SLC5A11: variants seen among roughly 807,000 people sequenced by gnomAD.
SLC5A11 encodes solute carrier family 5 member 11.
A neutral mutation model predicts 69.8 loss-of-function variants in SLC5A11; 48 were observed. That is an observed-to-expected ratio of 0.69 (90% CI 0.55 to 0.87). SLC5A11 has a LOEUF of 0.87. Among genes scored for constraint, SLC5A11 ranks in the 40% least tolerant of loss-of-function variants. SLC5A11 has a pLI of 0.00. For synonymous variants in SLC5A11, 319 were observed against 342.4 expected, an observed-to-expected ratio of 0.93 and a Z score of 0.75; for missense variants, 784 against 866.1, an observed-to-expected ratio of 0.91 and a Z score of 1.19.
intron 8 of SLC5A11, among the ~76,000 whole-genome samples, chr16:24,885,290 C>G (rs34821896): frequency 0.38 from 57,081 of 151,348 alleles, 11,880 homozygotes; most frequent in Non-Finnish European, 0.48. Flanking sequence ...TATTGTTAAG[C>G]GGGGGACACT....
intron 6 of SLC5A11, chr16:24,877,010 A>C: frequency 8.2e-7 from 1 of 1,213,746 alleles, no homozygotes; most frequent in Non-Finnish European, 1.1e-6. Flanking sequence ...TGGAAGATGG[A>C]GTGGGAGAGG....
chr16:24,853,461 A>G (rs1567563050), intron 1 of SLC5A11, among the ~76,000 whole-genome samples: 1 of 152,190 alleles, frequency 6.6e-6, no homozygotes, highest in Non-Finnish European at 1.5e-5. Flanking sequence ...GGAGCCTGGC[A>G]CACAGCTGGT....
exon 13 of SLC5A11, chr16:24,908,002 G>C: frequency 6.2e-7 from 1 of 1,614,044 alleles, no homozygotes; most frequent in Non-Finnish European, 8.5e-7. Flanking sequence ...CCATCCTCTG[G>C]ATCCCTGTGG....
chr16:24,875,767 G>T, intron 6 of SLC5A11, 36 bp downstream of exon 7: 1 of 1,528,764 alleles, frequency 6.5e-7, no homozygotes, highest in Non-Finnish European at 9.0e-7. Flanking sequence ...CACCCATGCA[G>T]CATGGGGAGA....
chr16:24,894,312 T>A (rs2049005205), intron 9 of SLC5A11, among the ~76,000 whole-genome samples: 1 of 152,062 alleles, frequency 6.6e-6, no homozygotes, highest in South Asian at 2.1e-4. Flanking sequence ...CTCTCCCTCC[T>A]CCTTTCCCAC....
intron 8 of SLC5A11, among the ~76,000 whole-genome samples, chr16:24,888,812 T>C (rs1436703222): frequency 3.2e-4 from 41 of 129,722 alleles, no homozygotes; most frequent in East Asian, 1.1e-3. Flanking sequence ...TTTTTTTTTT[T>C]CTGAGACGGA....
intron 7 of SLC5A11, among the ~76,000 whole-genome samples, chr16:24,882,774 T>C (rs190504931): frequency 1.4e-3 from 207 of 152,232 alleles, no homozygotes; most frequent in Non-Finnish European, 2.0e-3. Flanking sequence ...GCCTCCCGAG[T>C]AGCTGGGATT....
Position 24,890,857 on chromosome 16 carries a change from T to C in SLC5A11, c.665-12T>C, listed in dbSNP as rs1157745496. ...CTGAGTTCCCGGAAAATAGGCTTCCTCTGAATTCTAGGTTTCGCCGCGGTT... is the reference window on the plus strand; with the variant it reads ...CTGAGTTCCCGGAAAATAGGCTTCCCCTGAATTCTAGGTTTCGCCGCGGTT... On this transcript the variant is annotated splice_polypyrimidine_tract_variant and intron_variant, in intron 8 of 15. Transcript: ENST00000347898. 1.1e-5 allele frequency: 18 copies of C among 1,613,746 alleles called. No individual in the cohort carries two copies. Among genetic ancestry groups the C allele is most frequent in the Non-Finnish European group, 1.4e-5 (16 of 1,179,836 alleles).
chr16:24,858,799 A>G (rs1473123152), intron 2 of SLC5A11, 21 bp downstream of exon 3: 1 of 1,603,644 alleles, frequency 6.2e-7, no homozygotes, highest in Non-Finnish European at 8.5e-7. Flanking sequence ...CCACTGGGGG[A>G]TGGGGGATGA....
At chr16:24,889,325 C>G (rs945678739) in intron 8 of SLC5A11, among the ~76,000 whole-genome samples, 1 of 151,758 alleles carries the variant, frequency 6.6e-6, no homozygotes, top group Admixed American at 6.6e-5. Context: ...CTACAAAAAA[C>G]TTTAAAAGTC....
chr16:24,865,841 C>A (rs2046883270), intron 3 of SLC5A11, among the ~76,000 whole-genome samples: 2 of 151,210 alleles, frequency 1.3e-5, no homozygotes, highest in Non-Finnish European at 2.9e-5. Flanking sequence ...ACAAAGAGCA[C>A]TGGTGAAGGT....
chr16:24,874,870 C>T (rs1302929662), intron 5 of SLC5A11, among the ~76,000 whole-genome samples: 2 of 152,088 alleles, frequency 1.3e-5, no homozygotes, highest in South Asian at 4.2e-4. Context: ...CCTGAGCCAC[C>T]GCACCTGGCC....
chr16:24,866,710 C>T (rs2046942019), intron 3 of SLC5A11, among the ~76,000 whole-genome samples: 1 of 151,526 alleles, frequency 6.6e-6, no homozygotes, highest in African/African-American at 2.4e-5. Context: ...CAAACAGTAA[C>T]CAGAAAAAAG....
intron 1 of SLC5A11, among the ~76,000 whole-genome samples, chr16:24,849,572 CA>C (rs1182615959): frequency 0.013 from 492 of 38,396 alleles, 2 homozygotes; most frequent in African/African-American, 0.024. Context: ...GCCTTGGGGG[CA>C]AAAAAAAAAA....
At chr16:24,880,853 T>C (rs1194083831) in intron 7 of SLC5A11, among the ~76,000 whole-genome samples, 2 of 152,120 alleles carry the variant, frequency 1.3e-5, no homozygotes, top group East Asian at 3.8e-4. Flanking sequence ...GCATTTCCTT[T>C]TCTCCACAAC....
intron 7 of SLC5A11, among the ~76,000 whole-genome samples, chr16:24,882,156 C>T (rs2048090367): frequency 6.6e-6 from 1 of 152,084 alleles, no homozygotes; most frequent in African/African-American, 2.4e-5. Flanking sequence ...AGGGAACATG[C>T]CATTTTGTTG....
At chr16:24,885,687 T>C (rs1266766984) in intron 8 of SLC5A11, among the ~76,000 whole-genome samples, 1 of 133,268 alleles carries the variant, frequency 7.5e-6, no homozygotes, top group African/African-American at 2.8e-5. Context: ...AAAAAGGCTA[T>C]GAAAACTAAT....
At chr16:24,876,195 CAAAAAAAAGAAAAAA>C (rs912342885) in intron 6 of SLC5A11, among the ~76,000 whole-genome samples, 15 of 114,794 alleles carry the variant, frequency 1.3e-4, no homozygotes, top group Middle Eastern at 9.7e-3. Flanking sequence ...GACTCTGTGT[CAAAAAAAAGAAAAAA>C]AAAAAAAAGA....
rs933046508 is a variant in SLC5A11, at chr16:24,860,943, G to A, written c.136-1658G>A. On this transcript the variant is annotated intron_variant, in intron 2 of 15. Coordinates refer to ENST00000347898, the Ensembl canonical transcript of SLC5A11. ...AGGATGGTCTCAATCTCCTGACCTC[G>A]TGATCCGCCTGCCTCGGCCTCCCAA... Among the ~76,000 whole-genome samples the A allele has an allele frequency of 4.6e-5, 7 of 152,034 alleles. 1 individual carries two copies. The highest frequency in any genetic ancestry group is 1.3e-4 in the Admixed American group (2 of 15,278).
Sources: allele counts gnomAD v4.1 joint callset (sites outside exome capture counted in the v4.1 genomes callset), GRCh38; gene constraint gnomAD v4.1.1; transcripts MANE v1.5; gene names NCBI Gene and HGNC (gene_info 2026-07-23, HGNC 2026-07-21).